Variants in CCDC85C observed in about 807,000 individuals in gnomAD.
The protein encoded by CCDC85C is coiled-coil domain containing 85C, also known as coiled-coil domain-containing protein 85C.
A neutral mutation model predicts 38.3 loss-of-function variants in CCDC85C; 18 were observed. That is an observed-to-expected ratio of 0.47 (90% confidence interval 0.33 to 0.70). CCDC85C has a LOEUF of 0.70. CCDC85C is among the 30% of genes least tolerant of loss of function. CCDC85C has a pLI of 0.03. For missense variants in CCDC85C, 566 were observed against 621.2 expected (o/e 0.91, Z 0.94); for synonymous variants, 264 against 293.8 (o/e 0.90, Z 1.04).
chr14:99,521,837 C>T (rs921288272), intron 3 of CCDC85C, among the ~76,000 whole-genome samples: 2 of 152,238 alleles, frequency 1.3e-5, no homozygotes, highest in African/African-American at 4.8e-5. Flanking sequence ...CGGGTACCCT[C>T]TCCCCACCGT....
chr14:99,517,460 CTCT>C (rs1897245410), intron 3 of CCDC85C, among the ~76,000 whole-genome samples: 1 of 152,196 alleles, frequency 6.6e-6, no homozygotes, highest in African/African-American at 2.4e-5. Context: ...TCTCAGGCTC[CTCT>C]ACAACACCCC....
At chr14:99,524,214 G>A (rs1051805778) in intron 2 of CCDC85C, among the ~76,000 whole-genome samples, 2 of 152,046 alleles carry the variant, frequency 1.3e-5, no homozygotes, top group African/African-American at 4.8e-5. Context: ...GAATGCGTGC[G>A]TGCACATACA....
At chr14:99,521,037 A>G (rs1262068814) in intron 3 of CCDC85C, among the ~76,000 whole-genome samples, 2 of 152,192 alleles carry the variant, frequency 1.3e-5, no homozygotes, top group Non-Finnish European at 2.9e-5. Flanking sequence ...GTGCTTGCAC[A>G]GCACTTCCCA....
chr14:99,541,752 G>A (rs1897717927), intron 1 of CCDC85C, among the ~76,000 whole-genome samples: 1 of 152,216 alleles, frequency 6.6e-6, no homozygotes, highest in Non-Finnish European at 1.5e-5. Flanking sequence ...AAGTGCCTCA[G>A]GGATCAGGGC....
At chr14:99,557,923 A>G (rs377766198) in intron 1 of CCDC85C, among the ~76,000 whole-genome samples, 106 of 35,052 alleles carry the variant, frequency 3.0e-3, no homozygotes, top group African/African-American at 0.012. Flanking sequence ...TCAAAAAAAT[A>G]AAGAAAAGAA....
intron 1 of CCDC85C, among the ~76,000 whole-genome samples, chr14:99,583,668 C>A (rs927821309): frequency 2.0e-5 from 3 of 151,922 alleles, no homozygotes; most frequent in African/African-American, 7.3e-5. Context: ...ATTAGCCGGG[C>A]ATGGTGACAG....
At position 99,535,720 on chromosome 14, in the gene CCDC85C, G is replaced by C. The variant is rs1177122909; in HGVS notation, c.867+295C>G. On this transcript the variant is annotated intron_variant, in intron 2 of 5. Coordinates refer to ENST00000380243, the MANE Select transcript of CCDC85C (RefSeq NM_001144995.2). The surrounding 1 kb of genome is among the most constrained non-coding windows in gnomAD (Gnocchi z 5.5). The stretch of plus-strand genomic sequence containing the variant: ...TGCCTGGATCTGCCCATCTGCCAGA[G>C]GAGTGAAGCAGCCCATTTCTTCATC... 6.6e-6 allele frequency among the ~76,000 whole-genome samples: 1 copy of C among 152,182 alleles called. No homozygotes were observed. Among genetic ancestry groups the C allele is most frequent in the Non-Finnish European group, 1.5e-5 (1 of 68,018 alleles).
intron 1 of CCDC85C, among the ~76,000 whole-genome samples, chr14:99,593,032 G>T (rs2139989339): frequency 6.6e-6 from 1 of 152,356 alleles, no homozygotes; most frequent in Admixed American, 6.5e-5. Context: ...ATATTAAGCA[G>T]CCGGGAAACA....
At chr14:99,599,410 A>T (rs1471556514) in intron 1 of CCDC85C, among the ~76,000 whole-genome samples, 4 of 152,130 alleles carry the variant, frequency 2.6e-5, no homozygotes. Context: ...GTCGTGGGGC[A>T]CAGGAGACAG....
At chr14:99,552,040 A>C (rs1448725414) in intron 1 of CCDC85C, among the ~76,000 whole-genome samples, 1 of 152,200 alleles carries the variant, frequency 6.6e-6, no homozygotes, top group Non-Finnish European at 1.5e-5. Context: ...GGTCCCAGAC[A>C]ACCTGGAGGT....
At chr14:99,534,524 C>T in intron 2 of CCDC85C, 1 of 671,908 alleles carries the variant, frequency 1.5e-6, no homozygotes, top group South Asian at 1.6e-5. Context: ...AGAGCATGGT[C>T]CTGGCCCTTG....
At position 99,604,068 on chromosome 14, in the gene CCDC85C, C is replaced by T. The variant is rs1030112967; in HGVS notation, c.-109G>A. ...CGCGGGCGGGGGGCGGCCGGGGGCG[C>T]GTGCGGCCCGCCCCGCGCCGCCTGG... On this transcript the variant is annotated 5_prime_UTR_variant, in exon 1 of 6. Coordinates refer to ENST00000380243, the MANE Select transcript of CCDC85C (RefSeq NM_001144995.2). 113 of 966,280 alleles carry T rather than the reference C, an allele frequency of 1.2e-4. 2 individuals carry two copies. In the East Asian group the frequency reaches 6.7e-3, roughly 57 times the overall value. 59.9% of individuals were successfully genotyped at this position (966,280 alleles called of 1,614,324 possible).
intron 1 of CCDC85C, among the ~76,000 whole-genome samples, chr14:99,581,488 C>T (rs765167659): frequency 6.6e-6 from 1 of 152,248 alleles, no homozygotes; most frequent in African/African-American, 2.4e-5. Context: ...TGGTCACTCA[C>T]GGCCACTCCA....
intron 1 of CCDC85C, among the ~76,000 whole-genome samples, chr14:99,549,497 C>T (rs1197665931): frequency 1.3e-5 from 2 of 152,222 alleles, no homozygotes; most frequent in Non-Finnish European, 2.9e-5. Flanking sequence ...AGAGCAGGCC[C>T]CCTCTTTGCC....
chr14:99,547,672 G>T (rs1212015772), intron 1 of CCDC85C, among the ~76,000 whole-genome samples: 1 of 152,008 alleles, frequency 6.6e-6, no homozygotes, highest in Non-Finnish European at 1.5e-5. Flanking sequence ...TACTCAGGAG[G>T]CTGAGGCAGG....
intron 1 of CCDC85C, among the ~76,000 whole-genome samples, chr14:99,573,679 A>G (rs923201677): frequency 7.9e-5 from 12 of 152,186 alleles, no homozygotes; most frequent in Non-Finnish European, 1.6e-4. Flanking sequence ...TTGGCTCTAA[A>G]TAACGCCAAC....
rs1332911613 is a variant in CCDC85C, at chr14:99,544,208, C to T, written c.794-8120G>A. The stretch of plus-strand genomic sequence containing the variant: ...AGGCAGCAAGGCCAAGGTCACCCGG[C>T]GGGAACCTTGCAGGGCTGAGATTTG... On this transcript the variant is annotated intron_variant, in intron 1 of 5. Transcript: ENST00000380243. The surrounding 1 kb of genome is among the most constrained non-coding windows in gnomAD (Gnocchi z 5.3). Among the ~76,000 whole-genome samples the T allele has an allele frequency of 6.6e-6, 1 of 152,134 alleles. No homozygotes were observed. Among genetic ancestry groups the T allele is most frequent in the African/African-American group, 2.4e-5 (1 of 41,426 alleles).
At chr14:99,580,823 C>T (rs1000163775) in intron 1 of CCDC85C, among the ~76,000 whole-genome samples, 11 of 152,094 alleles carry the variant, frequency 7.2e-5, no homozygotes, top group Admixed American at 2.0e-4. Flanking sequence ...CAAGATCGCG[C>T]GACTGCACTC....
intron 1 of CCDC85C, among the ~76,000 whole-genome samples, chr14:99,566,136 C>T (rs776465102): frequency 6.6e-6 from 1 of 152,200 alleles, no homozygotes. Flanking sequence ...CCCAGCCCTA[C>T]GCTCCAGAAT....
Sources: gnomAD v4.1 joint callset for allele counts (sites outside exome capture counted in the v4.1 genomes callset) on GRCh38, gnomAD v4.1.1 for gene constraint, Gnocchi (gnomAD v3.1) non-coding constraint, MANE v1.5 for transcripts, NCBI Gene and HGNC (gene_info 2026-07-23, HGNC 2026-07-21) for gene names.